Variants in SLC1A5 observed in about 807,000 individuals in gnomAD.
The protein encoded by SLC1A5 is solute carrier family 1 member 5.
SLC1A5 carries 25 observed loss-of-function variants against 34.9 expected under a neutral mutation model. The observed-to-expected ratio is 0.72, with a 90% CI of 0.52 to 1.00. The LOEUF is 1.00. SLC1A5 is among the 50% of genes least tolerant of loss of function. The pLI is 0.00. For missense variants in SLC1A5, 637 were observed against 740.0 expected (o/e 0.86, Z 1.61); for synonymous variants, 351 against 341.2 (o/e 1.03, Z -0.32).
intron 4 of SLC1A5, 26 bp downstream of exon 4, chr19:46,782,357 C>T: frequency 8.4e-7 from 1 of 1,190,432 alleles, no homozygotes; most frequent in Non-Finnish European, 1.2e-6. Flanking sequence ...CCCCACCCAC[C>T]CCCAGCCTCC....
In SLC1A5 at chr19:46,787,991, C is replaced by T. The variant is rs770985611; in HGVS notation, c.-26G>A. 1.6e-5 allele frequency: 24 copies of T among 1,517,892 alleles called. No individual in the cohort carries two copies. Among genetic ancestry groups the T allele is most frequent in the Non-Finnish European group, 2.1e-5 (24 of 1,135,574 alleles). The allele number at this position is 1,517,892 out of a possible 1,614,324, so 94.0% of individuals were successfully genotyped here. A position where few individuals can be genotyped will look rare whatever the true frequency, so the allele number is the denominator to read the frequency against. On this transcript the variant is annotated 5_prime_UTR_variant, in exon 1 of 8. Coordinates refer to ENST00000542575, the MANE Select transcript of SLC1A5 (RefSeq NM_005628.3). This position sits in a 1 kb window ranked among gnomAD's most constrained non-coding sequence, Gnocchi z 5.2. The stretch of plus-strand genomic sequence containing the variant: ...GATGGGAAGCACCGGGGTTTCTTAG[C>T]GCCTGGAAGCTGGCTGGGAGCGCTT...
At chr19:46,784,225 C>CA (rs2055169822) in intron 2 of SLC1A5, 81 bp from the exon 3 acceptor site, 3 of 1,088,204 alleles carry the variant, frequency 2.8e-6, no homozygotes, top group Non-Finnish European at 4.2e-6. Flanking sequence ...ATGCTCAAAG[C>CA]CTGCCCTTCC....
At chr19:46,782,360 C>T (rs1430789574) in intron 4 of SLC1A5, 23 bp downstream of exon 4, 6 of 1,333,300 alleles carry the variant, frequency 4.5e-6, no homozygotes, top group Non-Finnish European at 6.4e-6. Flanking sequence ...CACCCACCCC[C>T]AGCCTCCTCT....
At chr19:46,782,346 A>ACCCCCCCCCCCCCCCCCCCCCCCTCTCC in intron 4 of SLC1A5, 37 bp downstream of exon 4, 1 of 567,986 alleles carries the variant, frequency 1.8e-6, no homozygotes, top group Non-Finnish European at 3.2e-6. Context: ...CGACCCTCCA[A>ACCCCCCCCCCCCCCCCCCCCCCCTCTCC]CCCCACCCAC....
At chr19:46,780,040 G>C (rs2055133473) in intron 4 of SLC1A5, among the ~76,000 whole-genome samples, 1 of 152,142 alleles carries the variant, frequency 6.6e-6, no homozygotes, top group Non-Finnish European at 1.5e-5. Context: ...TTTTAGTAGA[G>C]ACAGGGTTTT....
At chr19:46,779,881 C>T (rs1366179427) in intron 4 of SLC1A5, among the ~76,000 whole-genome samples, 3 of 150,562 alleles carry the variant, frequency 2.0e-5, no homozygotes, top group Admixed American at 6.6e-5. Context: ...GAGATGGAGT[C>T]TCACTCTGTT....
At chr19:46,782,201 A>T (rs2055151106) in intron 4 of SLC1A5, among the ~76,000 whole-genome samples, 182 bp downstream of exon 4, 1 of 152,134 alleles carries the variant, frequency 6.6e-6, no homozygotes, top group South Asian at 2.1e-4. Context: ...CAGAGAAGGA[A>T]AATCACTTGC....
intron 3 of SLC1A5, 120 bp from the exon 4 acceptor site, chr19:46,782,669 C>G: frequency 9.3e-7 from 1 of 1,069,636 alleles, no homozygotes; most frequent in Middle Eastern, 2.1e-4. Flanking sequence ...AGACCCCTTC[C>G]TCCCAAGGCT....
At chr19:46,784,179 G>T in intron 2 of SLC1A5, 35 bp from the exon 3 acceptor site, 1 of 1,528,390 alleles carries the variant, frequency 6.5e-7, no homozygotes, top group Non-Finnish European at 9.1e-7. Flanking sequence ...AGTGTCCATC[G>T]TTACCAGGGC....
chr19:46,781,773 T>C (rs916412456), intron 4 of SLC1A5, among the ~76,000 whole-genome samples: 4 of 152,144 alleles, frequency 2.6e-5, no homozygotes, highest in Admixed American at 1.3e-4. Flanking sequence ...GATACCCAAG[T>C]TCTGGCCAGT....
In SLC1A5 at chr19:46,778,822, T is replaced by C. The variant is rs1379534992; in HGVS notation, c.911A>G (p.Lys304Arg). 14 of 1,611,614 alleles carry C rather than the reference T, an allele frequency of 8.7e-6. No individual in the cohort carries two copies. The highest frequency in any genetic ancestry group is 1.3e-5 in the African/African-American group (1 of 74,876). The stretch of plus-strand genomic sequence containing the variant: ...ACCCAGCAGGCAGCACAGAATGTAC[T>C]TGCCAAGGCGGGCAAAGAGTAAACC... ...DVGLLFARLGKYILCCLLGHA... is the reference protein window; with the variant it reads ...DVGLLFARLGRYILCCLLGHA... Residue 304 changes from lysine to arginine, a missense_variant, in exon 5 of 8, where the codon AAG becomes AGG. By Grantham distance (26) the Lys-to-Arg change is conservative (BLOSUM62 2). Transcript: ENST00000542575.
chr19:46,784,412 A>G (rs1037663599), intron 2 of SLC1A5, 105 bp downstream of exon 2: 3 of 1,269,872 alleles, frequency 2.4e-6, no homozygotes, highest in Non-Finnish European at 3.4e-6. Context: ...TCTCATTGAC[A>G]TGCATTTTTC....
At chr19:46,779,000 TTC>T in intron 4 of SLC1A5, 92 bp from the exon 5 acceptor site, 3 of 898,474 alleles carry the variant, frequency 3.3e-6, no homozygotes, top group Non-Finnish European at 5.1e-6. Flanking sequence ...TCTTCCTGCC[TTC>T]CTGAGGTCAG....
In SLC1A5 at chr19:46,777,273, G is replaced by C. The variant is rs779678004; in HGVS notation, c.1191C>G (p.Ala397=). The change falls in exon 6 of 8, where the codon GCC becomes GCG. Residue 397 remains alanine, a synonymous_variant. Transcript: ENST00000542575. Reference sequence around the variant, plus strand: ...GGCTGAGCTGTGCAATGAACACTGCGGCCACGCACTGGAAGAGCGCGGCAC... The same window carrying C: ...GGCTGAGCTGTGCAATGAACACTGCCGCCACGCACTGGAAGAGCGCGGCAC... ...MDGAALFQCV[A]AVFIAQLSQQ... is the part of the protein sequence containing the mutation. 1.2e-6 allele frequency: 2 copies of C among 1,613,180 alleles called. No homozygotes were observed. Among genetic ancestry groups the C allele is most frequent in the Non-Finnish European group, 1.7e-6 (2 of 1,179,744 alleles).
intron 7 of SLC1A5, among the ~76,000 whole-genome samples, chr19:46,776,167 G>A (rs2055086941): frequency 6.6e-6 from 1 of 150,610 alleles, no homozygotes; most frequent in Admixed American, 6.6e-5. Context: ...ATTCAGACTT[G>A]TGCAACCATT....
At chr19:46,782,272 A>G in intron 4 of SLC1A5, 111 bp downstream of exon 4, 1 of 822,502 alleles carries the variant, frequency 1.2e-6, no homozygotes, top group Non-Finnish European at 1.9e-6. Flanking sequence ...ATCTGGCTCC[A>G]AAGAGTGAAT....
intron 4 of SLC1A5, 30 bp downstream of exon 4, chr19:46,782,353 C>CCCCCCCCCCCCCCCCCCCCCCCCCCCCAA: frequency 1.3e-6 from 1 of 785,198 alleles, no homozygotes; most frequent in Non-Finnish European, 2.1e-6. Flanking sequence ...CCAACCCCAC[C>CCCCCCCCCCCCCCCCCCCCCCCCCCCCAA]CACCCCCAGC....
intron 5 of SLC1A5, among the ~76,000 whole-genome samples, chr19:46,777,920 T>C (rs1276081906): frequency 1.3e-5 from 2 of 151,424 alleles, no homozygotes; most frequent in African/African-American, 2.4e-5. Flanking sequence ...GATTACAAAA[T>C]CCATGAGTCC....
intron 4 of SLC1A5, 37 bp downstream of exon 4, chr19:46,782,346 A>ACCCCCCCCCCCCCCCACCCCCCCTCC: frequency 3.5e-6 from 2 of 567,986 alleles, no homozygotes; most frequent in South Asian, 1.8e-5. Context: ...CGACCCTCCA[A>ACCCCCCCCCCCCCCCACCCCCCCTCC]CCCCACCCAC....
Sources: allele counts gnomAD v4.1 joint callset (sites outside exome capture counted in the v4.1 genomes callset), GRCh38; gene constraint gnomAD v4.1.1; non-coding constraint Gnocchi (gnomAD v3.1); transcripts MANE v1.5; gene names NCBI Gene and HGNC (gene_info 2026-07-23, HGNC 2026-07-21).